Variants in PCDH7 observed in about 807,000 individuals in gnomAD.
PCDH7 encodes protocadherin 7, also known as protocadherin-7.
In PCDH7, 17 loss-of-function variants were observed where a neutral mutation model predicts 58.9. The ratio of observed to expected loss-of-function variants is 0.29; its 90% CI spans 0.20 to 0.43. The LOEUF (loss-of-function observed/expected upper bound fraction) is 0.43. Ranked by LOEUF, PCDH7 falls within the 20% of genes least tolerant of loss-of-function variation. The probability of loss-of-function intolerance (pLI) is 1.00; values close to 1 mark genes in which losing one functional copy is unlikely to be tolerated. For synonymous variants in PCDH7, 664 were observed against 616.4 expected (o/e 1.08, Z -1.14); for missense variants, 1,274 against 1,441.0 (o/e 0.88, Z 1.88).
chr4:30,995,377 T>A (rs1751798556), intron 3 of PCDH7, among the ~76,000 whole-genome samples: 1 of 152,154 alleles, frequency 6.6e-6, no homozygotes, highest in Admixed American at 6.5e-5. Flanking sequence ...CTGGGCGTGG[T>A]GGCGGGCGCC....
intron 1 of PCDH7, among the ~76,000 whole-genome samples, chr4:30,742,332 A>C (rs2109249621): frequency 6.6e-6 from 1 of 152,288 alleles, no homozygotes; most frequent in South Asian, 2.1e-4. Context: ...TTGCTTGCTA[A>C]TCATTAGATG....
At chr4:31,145,630 A>G (rs1359556034), downstream of PCDH7, 2 of 152,098 alleles carry the variant, frequency 1.3e-5, no homozygotes, top group East Asian at 1.9e-4. Context: ...TATTTTCTGA[A>G]CATAATAAAT....
intron 3 of PCDH7, among the ~76,000 whole-genome samples, chr4:30,957,111 GC>G (rs1282305692): frequency 2.0e-5 from 3 of 152,062 alleles, no homozygotes; most frequent in Non-Finnish European, 4.4e-5. Context: ...CCATCTCATG[GC>G]TCTGGTCACG....
intron 1 of PCDH7, among the ~76,000 whole-genome samples, chr4:30,785,388 G>T (rs1452208850): frequency 6.6e-6 from 1 of 151,962 alleles, no homozygotes; most frequent in Non-Finnish European, 1.5e-5. Context: ...AAATCATAAA[G>T]ATTCACTTAT....
intron 3 of PCDH7, among the ~76,000 whole-genome samples, chr4:31,094,722 CA>C (rs894376374): frequency 6.0e-5 from 9 of 151,166 alleles, no homozygotes; most frequent in African/African-American, 1.5e-4. Context: ...CATAAACAAA[CA>C]AAAAAAAATT....
At chr4:31,128,621 A>C (rs1718602736) in intron 3 of PCDH7, among the ~76,000 whole-genome samples, 3 of 152,184 alleles carry the variant, frequency 2.0e-5, no homozygotes, top group Non-Finnish European at 4.4e-5. Context: ...ACTATAAAAT[A>C]GCTATTATCC....
intron 1 of PCDH7, among the ~76,000 whole-genome samples, chr4:30,726,081 G>A (rs1714572429): frequency 6.6e-6 from 1 of 151,988 alleles, no homozygotes; most frequent in Non-Finnish European, 1.5e-5. Context: ...TTGACATAGT[G>A]GAGTGTTTAT....
chr4:30,889,135 C>G (rs1190927838), intron 1 of PCDH7, among the ~76,000 whole-genome samples: 5 of 84,562 alleles, frequency 5.9e-5, no homozygotes, highest in Non-Finnish European at 1.2e-4. Context: ...GAGCAGATAT[C>G]TCAAAAAAAA....
At chr4:30,890,239 C>A (rs911828282) in intron 1 of PCDH7, among the ~76,000 whole-genome samples, 1 of 151,960 alleles carries the variant, frequency 6.6e-6, no homozygotes, top group African/African-American at 2.4e-5. Context: ...ACTGTCAAAG[C>A]GAACTGTAAT....
At chr4:30,806,324 TCAGA>T (rs976805421) in intron 1 of PCDH7, among the ~76,000 whole-genome samples, 1 of 151,970 alleles carries the variant, frequency 6.6e-6, no homozygotes, top group Non-Finnish European at 1.5e-5. Context: ...CTTTTTTTTT[TCAGA>T]CAGTCTCGCT....
At chr4:30,957,497 C>T (rs1344460731) in intron 3 of PCDH7, among the ~76,000 whole-genome samples, 2 of 152,068 alleles carry the variant, frequency 1.3e-5, no homozygotes, top group Non-Finnish European at 2.9e-5. Flanking sequence ...GAAATTGTGA[C>T]ACTTTGGTGA....
chr4:30,855,466 A>G (rs567866785), intron 1 of PCDH7, among the ~76,000 whole-genome samples: 2 of 152,268 alleles, frequency 1.3e-5, no homozygotes, highest in East Asian at 3.9e-4. Flanking sequence ...GTTTGCGGCA[A>G]ACTCATCCTT....
At chr4:30,867,534 T>C (rs1735024421) in intron 1 of PCDH7, among the ~76,000 whole-genome samples, 1 of 152,038 alleles carries the variant, frequency 6.6e-6, no homozygotes, top group Admixed American at 6.6e-5. Flanking sequence ...CATTTTTTTC[T>C]CCTGGATCTC....
At chr4:31,026,428 C>T (rs1461532682) in intron 3 of PCDH7, among the ~76,000 whole-genome samples, 1 of 152,134 alleles carries the variant, frequency 6.6e-6, no homozygotes, top group Non-Finnish European at 1.5e-5. Flanking sequence ...AGTGGGCATA[C>T]CGAAATGAGC....
intron 3 of PCDH7, among the ~76,000 whole-genome samples, chr4:31,048,005 T>C (rs533095472): frequency 6.6e-6 from 1 of 152,072 alleles, no homozygotes; most frequent in African/African-American, 2.4e-5. Context: ...TATGGTTGCA[T>C]AGTAGTTATA....
exon 1 of PCDH7, chr4:30,724,133 G>A (rs773839320): frequency 1.2e-6 from 2 of 1,613,972 alleles, no homozygotes; most frequent in Non-Finnish European, 1.7e-6. Context: ...GCAAGGTACT[G>A]CAGGTCCAAA....
chr4:31,102,225 T>C (rs984881576), intron 3 of PCDH7, among the ~76,000 whole-genome samples: 3 of 151,940 alleles, frequency 2.0e-5, no homozygotes, highest in Non-Finnish European at 4.4e-5. Flanking sequence ...CTCCAAATGA[T>C]AGCCTAAATC....
intron 1 of PCDH7, among the ~76,000 whole-genome samples, chr4:30,885,634 A>C (rs200813469): frequency 6.6e-6 from 1 of 152,134 alleles, no homozygotes; most frequent in Non-Finnish European, 1.5e-5. Flanking sequence ...TAAAGTTCAT[A>C]TGGAACCAAA....
chr4:30,869,155 T>C (rs1735235746), intron 1 of PCDH7: 1 of 152,038 alleles, frequency 6.6e-6, no homozygotes, highest in Non-Finnish European at 1.5e-5. Context: ...CCCAGAAAGA[T>C]AAATCTTCAG....
Sources: allele counts gnomAD v4.1 joint callset (sites outside exome capture counted in the v4.1 genomes callset), GRCh38; gene constraint gnomAD v4.1.1; transcripts MANE v1.5; gene names NCBI Gene and HGNC (gene_info 2026-07-23, HGNC 2026-07-21).